LAMC3: variants seen among roughly 807,000 people sequenced by gnomAD.
LAMC3 encodes the protein laminin subunit gamma-3.
LAMC3 carries 128 observed loss-of-function variants against 173.8 expected under a neutral mutation model. The observed-to-expected ratio is 0.74, with a 90% confidence interval of 0.64 to 0.85. LAMC3 has a LOEUF of 0.85. Among genes scored for constraint, LAMC3 ranks in the 40% least tolerant of loss-of-function variants. The probability of loss-of-function intolerance (pLI) is 0.00; values close to 1 mark genes in which losing one functional copy is unlikely to be tolerated. For missense variants in LAMC3, 2,022 were observed against 2,156.0 expected, an observed-to-expected ratio of 0.94 and a Z score of 1.23; for synonymous variants, 897 against 909.1, an observed-to-expected ratio of 0.99 and a Z score of 0.24.
rs1346002158 is a variant in LAMC3 at position 131,082,164 on chromosome 9, A to C, written c.4030+3A>C. The stretch of plus-strand genomic sequence containing the variant: ...GACTCTGCTGGCTGATCTGGAAGGT[A>C]CGTGAGTCCAGCTGACCACTAGGCT... On this transcript the variant is annotated splice_donor_region_variant and intron_variant, in intron 24 of 27. Coordinates refer to ENST00000361069, the MANE Select transcript of LAMC3 (RefSeq NM_006059.4). 3.7e-6 allele frequency: 6 copies of C among 1,606,960 alleles called. No homozygotes were observed. Among genetic ancestry groups the C allele is most frequent in the Non-Finnish European group, 5.1e-6 (6 of 1,174,434 alleles).
intron 8 of LAMC3, among the ~76,000 whole-genome samples, chr9:131,046,209 T>G (rs1163671730): frequency 1.9e-5 from 2 of 106,650 alleles, no homozygotes; most frequent in African/African-American, 4.7e-5. Context: ...TTTTTTTTTT[T>G]GGACACAGGG....
intron 18 of LAMC3, 130 bp from the exon 19 acceptor site, chr9:131,072,500 G>A: frequency 1.3e-6 from 1 of 775,566 alleles, no homozygotes; most frequent in Non-Finnish European, 2.2e-6. Flanking sequence ...CTGCCTTTGG[G>A]ACTACCTGTT....
chr9:131,038,808 C>T, intron 4 of LAMC3, 56 bp from the exon 5 acceptor site: 1 of 1,555,614 alleles, frequency 6.4e-7, no homozygotes, highest in Non-Finnish European at 8.8e-7. Flanking sequence ...GACACAGATG[C>T]AGCCTCCTAC....
At chr9:131,025,428 G>A (rs1833698276) in intron 1 of LAMC3, among the ~76,000 whole-genome samples, 1 of 152,164 alleles carries the variant, frequency 6.6e-6, no homozygotes, top group Non-Finnish European at 1.5e-5. Flanking sequence ...AGGGCAGGCA[G>A]GTGCCTAAAG....
intron 1 of LAMC3, among the ~76,000 whole-genome samples, chr9:131,023,042 G>T (rs2133220961): frequency 6.6e-6 from 1 of 152,314 alleles, no homozygotes; most frequent in African/African-American, 2.4e-5. Context: ...GGTCTTTGGT[G>T]ATTTTAGCTT....
Position 131,069,792 on chromosome 9 carries a change from C to T in LAMC3, c.3011C>T (p.Thr1004Met), listed in dbSNP as rs367843721. The T allele has an allele frequency of 2.3e-5, 37 of 1,593,696 alleles. 1 individual carries two copies. The highest frequency in any genetic ancestry group is 1.1e-4 in the East Asian group (5 of 44,184). ...CGCTGCCACGACAACTTCTTCCTCA[C>T]GGCAGACGGCACACACTGCCAGCAA... ...CDRCHDNFFL[T>M]ADGTHCQQCP... The change falls in exon 17 of 28, where the codon ACG (threonine) becomes ATG (methionine). Residue 1004 changes from threonine to methionine, a missense_variant. Coordinates refer to ENST00000361069, the MANE Select transcript of LAMC3 (RefSeq NM_006059.4).
At chr9:131,048,955 TG>T in intron 8 of LAMC3, 64 bp from the exon 9 acceptor site, 1 of 1,003,074 alleles carries the variant, frequency 1.0e-6, no homozygotes, top group Non-Finnish European at 1.5e-6. Flanking sequence ...CACCTGGGGC[TG>T]GCACCTGGAG....
At chr9:131,033,399 G>A (rs1423327051) in intron 3 of LAMC3, among the ~76,000 whole-genome samples, 1 of 152,228 alleles carries the variant, frequency 6.6e-6, no homozygotes, top group African/African-American at 2.4e-5. Flanking sequence ...AGGAAAGGGA[G>A]AGCGTGTGCC....
At chr9:131,031,985 T>TG (rs1833832046) in intron 2 of LAMC3, 60 bp from the exon 3 acceptor site, 1 of 1,608,756 alleles carries the variant, frequency 6.2e-7, no homozygotes. Flanking sequence ...AGCAGAGCGA[T>TG]GGGGGTAAAT....
intron 25 of LAMC3, 122 bp from the exon 26 acceptor site, chr9:131,087,350 CATGA>C (rs1226491021): frequency 5.6e-5 from 68 of 1,212,904 alleles, no homozygotes; most frequent in Non-Finnish European, 7.9e-5. Flanking sequence ...TTGTTGCGTG[CATGA>C]ATGAATGAAT....
chr9:131,026,252 T>C lies in LAMC3; in HGVS notation c.374-33T>C. The C allele has an allele frequency of 6.2e-7, 1 of 1,613,492 alleles. No homozygotes were observed. Among genetic ancestry groups the C allele is most frequent in the Non-Finnish European group, 8.5e-7 (1 of 1,179,826 alleles). ...CCAGGATTCCATACCTCCTTCCCCT[T>C]CCATAAAATGGGCCCCGTTTTCCTG... On this transcript the variant is annotated intron_variant, in intron 1 of 27. Coordinates refer to ENST00000361069, the MANE Select transcript of LAMC3 (RefSeq NM_006059.4). This position sits in a 1 kb window ranked among gnomAD's most constrained non-coding sequence, Gnocchi z 4.8.
intron 3 of LAMC3, among the ~76,000 whole-genome samples, chr9:131,034,650 G>T (rs908023499): frequency 6.6e-6 from 1 of 152,216 alleles, no homozygotes; most frequent in Non-Finnish European, 1.5e-5. Flanking sequence ...GAATGGGGAC[G>T]CTAATGTCCC....
At chr9:131,024,366 G>A (rs151179597) in intron 1 of LAMC3, among the ~76,000 whole-genome samples, 2,042 of 152,076 alleles carry the variant, frequency 0.013, 50 homozygotes, top group African/African-American at 0.045. Flanking sequence ...GGCTGGTCTC[G>A]AACTCCTGAC....
chr9:131,039,430 A>G (rs1307277237), intron 6 of LAMC3, among the ~76,000 whole-genome samples, 182 bp downstream of exon 6: 1 of 151,984 alleles, frequency 6.6e-6, no homozygotes, highest in Non-Finnish European at 1.5e-5. Flanking sequence ...AACAGACCTT[A>G]ATGAGACCAG....
Position 131,036,262 on chromosome 9 carries a change from G to C in LAMC3, c.906G>C (p.Glu302Asp). ...CQHNTTGTDC[E>D]RCLPFFQDRP... ...ACAACACCACCGGCACAGACTGTGA[G>C]CGCTGCCTGCCCTTCTTCCAGGACC... The change falls in exon 4 of 28, where the codon GAG (glutamate) becomes GAC (aspartate). Residue 302 changes from glutamate to aspartate, a missense_variant. Glu to Asp is a conservative substitution (Grantham distance 45, BLOSUM62 2). Coordinates refer to ENST00000361069, the MANE Select transcript of LAMC3 (RefSeq NM_006059.4). 3 of 1,613,304 alleles carry C rather than the reference G, an allele frequency of 1.9e-6. No homozygotes were observed. Among genetic ancestry groups the C allele is most frequent in the Non-Finnish European group, 2.5e-6 (3 of 1,179,910 alleles).
At chr9:131,061,527 T>C (rs1176006456) in intron 13 of LAMC3, among the ~76,000 whole-genome samples, 1 of 152,224 alleles carries the variant, frequency 6.6e-6, no homozygotes, top group Admixed American at 6.5e-5. Context: ...ACAAGTTCCC[T>C]GGGTGATTCT....
Position 131,009,606 on chromosome 9 carries a change from C to A in LAMC3, c.373+19C>A. The stretch of plus-strand genomic sequence containing the variant: ...CGCCTAGGTAAGCGCGGGCTGGGGG[C>A]ACCGCCACCGCACCCCGTGTCCCCA... On this transcript the variant is annotated intron_variant, in intron 1 of 27. Coordinates refer to ENST00000361069, the MANE Select transcript of LAMC3 (RefSeq NM_006059.4). The surrounding 1 kb of genome is among the most constrained non-coding windows in gnomAD (Gnocchi z 4.3). 6.4e-7 allele frequency: 1 copy of A among 1,559,626 alleles called. No individual in the cohort carries two copies. The highest frequency in any genetic ancestry group is 1.2e-5 in the South Asian group (1 of 84,644).
intron 13 of LAMC3, among the ~76,000 whole-genome samples, chr9:131,061,872 A>G (rs552281256): frequency 2.9e-5 from 3 of 102,538 alleles, no homozygotes; most frequent in Non-Finnish European, 5.9e-5. Context: ...CAACATAGTG[A>G]GACTCCCATC....
At chr9:131,058,901 G>GA (rs975126656) in intron 12 of LAMC3, among the ~76,000 whole-genome samples, 12 of 143,924 alleles carry the variant, frequency 8.3e-5, no homozygotes, top group East Asian at 6.3e-4. Flanking sequence ...GAGGAAAAAA[G>GA]AAAAAAAAAA....
Sources: gnomAD v4.1 joint callset for allele counts (sites outside exome capture counted in the v4.1 genomes callset) on GRCh38, gnomAD v4.1.1 for gene constraint, Gnocchi (gnomAD v3.1) non-coding constraint, MANE v1.5 for transcripts, NCBI Gene and HGNC (gene_info 2026-07-23, HGNC 2026-07-21) for gene names.